Variants in FUT6 observed in about 807,000 individuals in gnomAD.
FUT6 encodes fucosyltransferase 6, also known as 4-galactosyl-N-acetylglucosaminide 3-alpha-L-fucosyltransferase FUT6.
For synonymous variants in FUT6, 187 were observed against 209.9 expected (o/e 0.89, Z 0.94); for missense variants, 454 against 494.6 (o/e 0.92, Z 0.78).
At chr19:5,837,250 C>A (rs1346589818) in intron 1 of FUT6, among the ~76,000 whole-genome samples, 1 of 151,704 alleles carries the variant, frequency 6.6e-6, no homozygotes, top group Non-Finnish European at 1.5e-5. Flanking sequence ...GTTGGCCAGG[C>A]TGGTCTCGAA....
intron 1 of FUT6, among the ~76,000 whole-genome samples, chr19:5,837,072 C>T (rs1185517691): frequency 1.3e-5 from 2 of 152,058 alleles, no homozygotes; most frequent in Non-Finnish European, 1.5e-5. Flanking sequence ...GAATCTTGCT[C>T]TGTCACCCAG....
Position 5,832,574 on chromosome 19 carries a change from G to C in FUT6, c.-7C>G, listed in dbSNP as rs2057122854. ...CCGGGCCCAGGGGATCCATGGGTCA[G>C]AGTATCTGGGAAGTGGGGAGAGAGG... On this transcript the variant is annotated 5_prime_UTR_variant, in exon 3 of 3. Coordinates refer to ENST00000318336, the MANE Select transcript of FUT6 (RefSeq NM_000150.4). The surrounding 1 kb of genome is among the most constrained non-coding windows in gnomAD (Gnocchi z 4.3). 2 of 1,611,112 alleles carry C rather than the reference G, an allele frequency of 1.2e-6. No individual in the cohort carries two copies. The highest frequency in any genetic ancestry group is 1.7e-6 in the Non-Finnish European group (2 of 1,177,894).
At chr19:5,837,273 A>G (rs973150155) in intron 1 of FUT6, among the ~76,000 whole-genome samples, 1 of 151,636 alleles carries the variant, frequency 6.6e-6, no homozygotes, top group African/African-American at 2.4e-5. Flanking sequence ...CCTGACCTCA[A>G]TTGACCCGCC....
In FUT6 at chr19:5,831,718, G is replaced by A. The variant is rs1305365647; in HGVS notation, c.850C>T (p.Leu284=). ...GPSRSNYERF[L]PPDAFIHVDD... is the part of the protein sequence containing the mutation. Reference sequence around the variant, plus strand: ...ACGTGGATGAAGGCGTCGGGTGGCAGGAACCTCTCGTAGTTGCTTCTGCTG... The same window carrying A: ...ACGTGGATGAAGGCGTCGGGTGGCAAGAACCTCTCGTAGTTGCTTCTGCTG... The change falls in exon 3 of 3, where the codon CTG becomes TTG. Residue 284 remains leucine, a synonymous_variant. Coordinates refer to ENST00000318336, the MANE Select transcript of FUT6 (RefSeq NM_000150.4). This position sits in a 1 kb window ranked among gnomAD's most constrained non-coding sequence, Gnocchi z 7.0. 6.2e-7 allele frequency: 1 copy of A among 1,611,552 alleles called. No homozygotes were observed. Among genetic ancestry groups the A allele is most frequent in the Admixed American group, 1.7e-5 (1 of 59,890 alleles).
chr19:5,832,526 G>A lies in FUT6; in HGVS notation c.42C>T (p.Arg14=), dbSNP rs756805625. Residue 14 remains arginine (R), a synonymous_variant, in exon 3 of 3, where the codon CGC becomes CGT. Coordinates refer to ENST00000318336, the MANE Select transcript of FUT6 (RefSeq NM_000150.4). This position sits in a 1 kb window ranked among gnomAD's most constrained non-coding sequence, Gnocchi z 4.3. ...LGPAKPQWSW[R]CCLTTLLFQL... is the part of the protein sequence containing the mutation. Reference sequence around the variant, plus strand: ...GAAACAGCAGCGTGGTCAGACAGCAGCGCCACGACCACTGTGGCTTGGCCG... The same window carrying A: ...GAAACAGCAGCGTGGTCAGACAGCAACGCCACGACCACTGTGGCTTGGCCG... 1.2e-6 allele frequency: 2 copies of A among 1,613,692 alleles called. No individual in the cohort carries two copies. Among genetic ancestry groups the A allele is most frequent in the Non-Finnish European group, 1.7e-6 (2 of 1,180,000 alleles).
chr19:5,831,850 A>G lies in FUT6; in HGVS notation c.718T>C (p.Tyr240His). Residue 240 changes from tyrosine (Y) to histidine (H), a missense_variant, in exon 3 of 3, where the codon TAC (tyrosine) becomes CAC (histidine). Physicochemically the swap from Tyr to His is moderately conservative, Grantham distance 83 (BLOSUM62 2). Coordinates refer to ENST00000318336, the MANE Select transcript of FUT6 (RefSeq NM_000150.4). This position sits in a 1 kb window ranked among gnomAD's most constrained non-coding sequence, Gnocchi z 7.0. ...TTCTCGAAGGCCAGATAGAACTTGT[A>G]CCGGGACAGCGTCTCCATCATGGTT... is the stretch of plus-strand genomic sequence containing the variant. Reference protein sequence around the residue: ...QGTMMETLSRYKFYLAFENSL... With the variant: ...QGTMMETLSRHKFYLAFENSL... The G allele has an allele frequency of 2.5e-6, 4 of 1,613,746 alleles. No homozygotes were observed. The highest frequency in any genetic ancestry group is 3.4e-6 in the Non-Finnish European group (4 of 1,179,816).
In FUT6 at chr19:5,832,453, C is replaced by G; in HGVS notation, c.115G>C (p.Asp39His). 1 of 1,613,906 alleles carries G rather than the reference C, an allele frequency of 6.2e-7. No homozygotes were observed. The highest frequency in any genetic ancestry group is 8.5e-7 in the Non-Finnish European group (1 of 1,180,000). ...CFFSYLRVSQ[D>H]DPTVYPNGSR... ...CCATTAGGGTACACAGTGGGATCGT[C>G]TTGAGACACACGCAGATAGGAGAAG... Residue 39 changes from aspartate (D) to histidine (H), a missense_variant, in exon 3 of 3, where the codon GAC becomes CAC. By Grantham distance (81) the Asp-to-His change is moderately conservative. Transcript: ENST00000318336. This position sits in a 1 kb window ranked among gnomAD's most constrained non-coding sequence, Gnocchi z 4.3.
chr19:5,835,771 C>T (rs1024670729), intron 1 of FUT6, among the ~76,000 whole-genome samples: 15 of 152,148 alleles, frequency 9.9e-5, no homozygotes, highest in African/African-American at 3.1e-4. Flanking sequence ...GAAACTCCGT[C>T]TCAACAAAAA....
chr19:5,832,269 G>C lies in FUT6; in HGVS notation c.299C>G (p.Pro100Arg), dbSNP rs776101092. The C allele has an allele frequency of 6.2e-7, 1 of 1,614,000 alleles. No individual in the cohort carries two copies. The highest frequency in any genetic ancestry group is 2.2e-5 in the East Asian group (1 of 44,852). Residue 100 changes from proline (P) to arginine (R), a missense_variant, in exon 3 of 3, where the codon CCA becomes CGA. Pro to Arg is a moderately radical substitution (Grantham distance 103). Coordinates refer to ENST00000318336, the MANE Select transcript of FUT6 (RefSeq NM_000150.4). This position sits in a 1 kb window ranked among gnomAD's most constrained non-coding sequence, Gnocchi z 4.3. ...GTGCACGATGACCGCGTCTGCCTGTGGATACACCTTGCGGTCGGCAGTGAT... is the reference window on the plus strand; with the variant it reads ...GTGCACGATGACCGCGTCTGCCTGTCGATACACCTTGCGGTCGGCAGTGAT... ...CNITADRKVY[P>R]QADAVIVHHR...
rs2057088368 is a variant in FUT6, at chr19:5,831,395, C to T, written c.*93G>A. On this transcript the variant is annotated 3_prime_UTR_variant, in exon 3 of 3. Coordinates refer to ENST00000318336, the MANE Select transcript of FUT6 (RefSeq NM_000150.4). This position sits in a 1 kb window ranked among gnomAD's most constrained non-coding sequence, Gnocchi z 7.0. ...GTGAGTCCTCAGGCAGGTGAAGCTTCAGGCAAACGAGTCCTTAGGTAGATG... is the reference window on the plus strand; with the variant it reads ...GTGAGTCCTCAGGCAGGTGAAGCTTTAGGCAAACGAGTCCTTAGGTAGATG... The T allele has an allele frequency of 6.2e-7, 1 of 1,612,602 alleles. No individual in the cohort carries two copies. Among genetic ancestry groups the T allele is most frequent in the Non-Finnish European group, 8.5e-7 (1 of 1,179,998 alleles).
At chr19:5,833,545 C>T (rs780110285) in intron 2 of FUT6, among the ~76,000 whole-genome samples, 42 of 150,914 alleles carry the variant, frequency 2.8e-4, no homozygotes, top group Non-Finnish European at 4.4e-4. Context: ...GCCTATAATC[C>T]TAGCACTTTG....
Position 5,831,514 on chromosome 19 carries a change from G to T in FUT6, c.1054C>A (p.Arg352Ser). 2 of 1,614,112 alleles carry T rather than the reference G, an allele frequency of 1.2e-6. No homozygotes were observed. The highest frequency in any genetic ancestry group is 1.7e-6 in the Non-Finnish European group (2 of 1,180,048). ...CAGGTGAACCAAGCCGCTATGCCGC[G>T]TGTCTGGTACCTGGATTCCTCCTGC... is the stretch of plus-strand genomic sequence containing the variant. ...KLQEESRYQT[R>S]GIAAWFT The change falls in exon 3 of 3, where the codon CGC becomes AGC. Residue 352 changes from arginine (R) to serine (S), a missense_variant. Coordinates refer to ENST00000318336, the MANE Select transcript of FUT6 (RefSeq NM_000150.4). This position sits in a 1 kb window ranked among gnomAD's most constrained non-coding sequence, Gnocchi z 7.0.
rs558426675 is a variant in FUT6, at chr19:5,831,435, G to A, written c.*53C>T. On this transcript the variant is annotated 3_prime_UTR_variant, in exon 3 of 3. Transcript: ENST00000318336. This position sits in a 1 kb window ranked among gnomAD's most constrained non-coding sequence, Gnocchi z 7.0. ...TTAGGTAGATGAGGCCCCCACTCAG[G>A]TGAGGCCCCAGGAAAATGAGGTTCC... is the stretch of plus-strand genomic sequence containing the variant. The A allele has an allele frequency of 1.1e-5, 18 of 1,612,962 alleles. No homozygotes were observed. In the South Asian group the frequency reaches 2.0e-4, roughly 18 times the overall value.
intron 1 of FUT6, among the ~76,000 whole-genome samples, chr19:5,837,536 G>A (rs993222444): frequency 6.6e-6 from 1 of 151,626 alleles, no homozygotes; most frequent in African/African-American, 2.4e-5. Flanking sequence ...AGGTGGAGGC[G>A]GGCGAATCAC....
Position 5,832,063 on chromosome 19 carries a change from C to G in FUT6, c.505G>C (p.Gly169Arg), listed in dbSNP as rs748153385. 6.2e-7 allele frequency: 1 copy of G among 1,613,430 alleles called. No individual in the cohort carries two copies. Among genetic ancestry groups the G allele is most frequent in the Non-Finnish European group, 8.5e-7 (1 of 1,180,020 alleles). ...TGGCCGGACCACGGCTCCAGCCAGC[C>G]GTAGGGCGTGAAGATGTCGGAGTCG... is the stretch of plus-strand genomic sequence containing the variant. The part of the protein sequence containing the change: ...RSDSDIFTPY[G>R]WLEPWSGQPA... Residue 169 changes from glycine (G) to arginine (R), a missense_variant, in exon 3 of 3, where the codon GGC becomes CGC. Coordinates refer to ENST00000318336, the MANE Select transcript of FUT6 (RefSeq NM_000150.4). This position sits in a 1 kb window ranked among gnomAD's most constrained non-coding sequence, Gnocchi z 4.3.
chr19:5,833,022 A>T (rs1250429271), intron 2 of FUT6: 1 of 201,702 alleles, frequency 5.0e-6, no homozygotes, highest in Non-Finnish European at 1.0e-5. Context: ...GTAATATAAG[A>T]GCTCACCAGA....
rs61740561 is a variant in FUT6, at chr19:5,831,566, G to A, written c.1002C>T (p.Leu334=). 6.2e-6 allele frequency: 10 copies of A among 1,613,786 alleles called. No individual in the cohort carries two copies. The highest frequency in any genetic ancestry group is 5.0e-5 in the Admixed American group (3 of 59,998). ...TLRPRSFSWA[L]AFCKACWKLQ... Reference sequence around the variant, plus strand: ...GTTTCCAGCAGGCCTTGCAGAAAGCGAGTGCCCAGCTGAAGGAGCGAGGCC... The same window carrying A: ...GTTTCCAGCAGGCCTTGCAGAAAGCAAGTGCCCAGCTGAAGGAGCGAGGCC... Residue 334 remains leucine, a synonymous_variant, in exon 3 of 3, where the codon CTC becomes CTT. Transcript: ENST00000318336. The surrounding 1 kb of genome is among the most constrained non-coding windows in gnomAD (Gnocchi z 7.0).
intron 1 of FUT6, among the ~76,000 whole-genome samples, chr19:5,835,601 T>C (rs753057220): frequency 4.6e-5 from 7 of 152,070 alleles, no homozygotes; most frequent in Non-Finnish European, 8.8e-5. Flanking sequence ...CTGGCCAACA[T>C]GTCTCTACTA....
intron 1 of FUT6, 81 bp downstream of exon 1, chr19:5,838,596 G>C (rs1430279750): frequency 6.6e-6 from 1 of 152,410 alleles, no homozygotes; most frequent in African/African-American, 2.4e-5. Flanking sequence ...GAGGCTGAGG[G>C]GAGGAGGCTC....
Sources: allele counts gnomAD v4.1 joint callset (sites outside exome capture counted in the v4.1 genomes callset), GRCh38; gene constraint gnomAD v4.1.1; non-coding constraint Gnocchi (gnomAD v3.1); transcripts MANE v1.5; gene names NCBI Gene and HGNC (gene_info 2026-07-23, HGNC 2026-07-21).